The following FBXO38 variants were observed in gnomAD, a reference collection of about 807,000 sequenced individuals.
The protein encoded by FBXO38 is F-box protein 38.
A neutral mutation model predicts 131.9 loss-of-function variants in FBXO38; 53 were observed. The observed-to-expected ratio is 0.40, with a 90% CI of 0.32 to 0.51. The LOEUF is 0.51. Among genes scored for constraint, FBXO38 ranks in the 20% least tolerant of loss-of-function variants. The pLI, the probability that FBXO38 is intolerant of heterozygous loss-of-function variation, is 0.53. For missense variants in FBXO38, 1,076 were observed against 1,475.6 expected, an observed-to-expected ratio of 0.73 and a Z score of 4.44; for synonymous variants, 452 against 505.6, an observed-to-expected ratio of 0.89 and a Z score of 1.42.
chr5:148,439,863 C>T lies in FBXO38; in HGVS notation c.3170+71C>T, dbSNP rs545876282. The T allele has an allele frequency of 1.2e-3, 1,751 of 1,458,306 alleles. 3 individuals are homozygous for T. The highest frequency in any genetic ancestry group is 1.5e-3 in the Non-Finnish European group (1,618 of 1,064,862). 90.3% of individuals were successfully genotyped at this position (1,458,306 alleles called of 1,614,324 possible). A position where few individuals can be genotyped will look rare whatever the true frequency, so the allele number is the denominator to read the frequency against. On this transcript the variant is annotated intron_variant, in intron 19 of 21. Coordinates refer to ENST00000340253, the MANE Select transcript of FBXO38 (RefSeq NM_205836.3). ...TAGCAGGGACTCCCAGAAGCAAATC[C>T]CAATTTTTCTTTATTTTAAATGATT...
chr5:148,410,500 A>G, intron 8 of FBXO38, 135 bp from the exon 9 acceptor site: 20 of 1,096,970 alleles, frequency 1.8e-5, no homozygotes, highest in Non-Finnish European at 2.7e-5. Flanking sequence ...GTCCATTAAA[A>G]CCTCTTTTTC....
At position 148,399,259 on chromosome 5, in the gene FBXO38, G is replaced by A. The variant is rs544239825; in HGVS notation, c.262+127G>A. 6.0e-5 allele frequency: 63 copies of A among 1,046,470 alleles called. No homozygotes were observed. The African/African-American group carries it at 8.2e-4, about 14-fold the overall frequency. 64.8% of individuals were successfully genotyped at this position (1,046,470 alleles called of 1,614,324 possible). ...TCACCTTGTAGGCTGGCAAGATTTTGTCTAAATTATTTATGTTGGGTTTTA... is the reference window on the plus strand; with the variant it reads ...TCACCTTGTAGGCTGGCAAGATTTTATCTAAATTATTTATGTTGGGTTTTA... On this transcript the variant is annotated intron_variant, in intron 3 of 21. Transcript: ENST00000340253.
chr5:148,416,192 T>C (rs1457113856), intron 11 of FBXO38, 122 bp downstream of exon 11: 1 of 910,106 alleles, frequency 1.1e-6, no homozygotes, highest in Non-Finnish European at 1.6e-6. Context: ...TCGGACTTTT[T>C]ACTGCCAGCC....
At chr5:148,438,865 A>G (rs1754506232) in intron 18 of FBXO38, among the ~76,000 whole-genome samples, 1 of 152,138 alleles carries the variant, frequency 6.6e-6, no homozygotes, top group Non-Finnish European at 1.5e-5. Context: ...AAACTCTAAA[A>G]CATGTGCTAG....
chr5:148,392,443 A>C (rs556483479), intron 1 of FBXO38, among the ~76,000 whole-genome samples: 1 of 152,208 alleles, frequency 6.6e-6, no homozygotes, highest in African/African-American at 2.4e-5. Flanking sequence ...GATATGAAGG[A>C]GTTCATTTTG....
At chr5:148,400,034 G>A (rs1752053304) in intron 3 of FBXO38, among the ~76,000 whole-genome samples, 1 of 151,988 alleles carries the variant, frequency 6.6e-6, no homozygotes. Flanking sequence ...AATTGTGCAG[G>A]TGGATGCTGC....
chr5:148,399,362 T>TA (rs1460827170), intron 3 of FBXO38: 1 of 507,312 alleles, frequency 2.0e-6, no homozygotes, highest in East Asian at 3.4e-5. Context: ...TAAGTAACTA[T>TA]ATCAGCCTGT....
chr5:148,432,272 A>C (rs1004613784), intron 15 of FBXO38, among the ~76,000 whole-genome samples: 1 of 152,244 alleles, frequency 6.6e-6, no homozygotes, highest in Non-Finnish European at 1.5e-5. Flanking sequence ...TAGAATATAT[A>C]TGTGCTTAAG....
chr5:148,418,395 T>A (rs1753190949), intron 12 of FBXO38, among the ~76,000 whole-genome samples: 1 of 152,214 alleles, frequency 6.6e-6, no homozygotes, highest in Non-Finnish European at 1.5e-5. Flanking sequence ...TAAATCCAAA[T>A]CTTTGTTTCC....
At chr5:148,388,536 T>C (rs1250225517) in intron 1 of FBXO38, among the ~76,000 whole-genome samples, 1 of 152,258 alleles carries the variant, frequency 6.6e-6, no homozygotes, top group Non-Finnish European at 1.5e-5. Context: ...GGATAACTTG[T>C]TGCAGCTTCT....
intron 3 of FBXO38, chr5:148,399,417 G>A (rs1441738586): frequency 2.8e-6 from 1 of 361,516 alleles, no homozygotes; most frequent in Admixed American, 4.4e-5. Context: ...GGTTAATTGA[G>A]TATATGTGTA....
Position 148,393,141 on chromosome 5 carries a change from A to G in FBXO38, c.-63-1573A>G, listed in dbSNP as rs568349501. 7.4e-5 allele frequency among the ~76,000 whole-genome samples: 11 copies of G among 149,028 alleles called. No homozygotes were observed. The East Asian group carries it at 2.2e-3, about 30-fold the overall frequency. The stretch of plus-strand genomic sequence containing the variant: ...CCCATATACCAGTCCACACACATTG[A>G]TTTCTCTGGTTTCTCAGGCCGTACT... On this transcript the variant is annotated intron_variant, in intron 1 of 21. Coordinates refer to ENST00000340253, the MANE Select transcript of FBXO38 (RefSeq NM_205836.3).
chr5:148,430,024 C>CT (rs1453127006), intron 15 of FBXO38: 3 of 151,216 alleles, frequency 2.0e-5, no homozygotes, highest in African/African-American at 7.3e-5. Flanking sequence ...ATAAAAATGT[C>CT]TGTTTACTTT....
At position 148,433,578 on chromosome 5, in the gene FBXO38, A is replaced by G. The variant is rs541710820; in HGVS notation, c.2754+54A>G. The G allele has an allele frequency of 1.4e-4, 218 of 1,548,554 alleles. No homozygotes were observed. In the African/African-American group the frequency reaches 2.9e-3, roughly 20 times the overall value. Reference sequence around the variant, plus strand: ...TCACAGTCTAGCCCAGTTCCTAAATAATGCACATAAACTAAAGTTTGTATC... The same window carrying G: ...TCACAGTCTAGCCCAGTTCCTAAATGATGCACATAAACTAAAGTTTGTATC... On this transcript the variant is annotated intron_variant, in intron 16 of 21. Transcript: ENST00000340253.
chr5:148,427,762 G>A lies in FBXO38; in HGVS notation c.2468G>A (p.Gly823Glu). ...TTTTCCTTTAGGACTCTGCCACAAGGGGGGTCTTCAGGCCCAGCACATGAT... is the reference window on the plus strand; with the variant it reads ...TTTTCCTTTAGGACTCTGCCACAAGAGGGGTCTTCAGGCCCAGCACATGAT... The part of the protein sequence containing the change: ...SAFSFRTLPQ[G>E]GSSGPAHDER... Residue 823 changes from glycine (G) to glutamate (E), a missense_variant, in exon 15 of 22, where the codon GGG becomes GAG. Coordinates refer to ENST00000340253, the MANE Select transcript of FBXO38 (RefSeq NM_205836.3). 3 of 1,612,568 alleles carry A rather than the reference G, an allele frequency of 1.9e-6. No individual in the cohort carries two copies. The highest frequency in any genetic ancestry group is 2.5e-6 in the Non-Finnish European group (3 of 1,179,128).
rs756850214 is a variant in FBXO38, at chr5:148,409,214, G to A, written c.959G>A (p.Arg320His). 6.9e-6 allele frequency: 11 copies of A among 1,583,576 alleles called. No homozygotes were observed. The highest frequency in any genetic ancestry group is 4.4e-5 in the South Asian group (4 of 90,420). Residue 320 changes from arginine to histidine, a missense_variant, in exon 8 of 22, where the codon CGT (arginine) becomes CAT (histidine). Physicochemically the swap from Arg to His is conservative, Grantham distance 29. Around this residue, in one of 8 missense-constraint regions of FBXO38, gnomAD observed 146 missense variants for 274.3 expected, o/e 0.53. Coordinates refer to ENST00000340253, the MANE Select transcript of FBXO38 (RefSeq NM_205836.3). ...DLGYLIITAA[R>H]RLHEVRIQPS... ...GGTTACCTCATCATTACTGCTGCCC[G>A]TAGGTATGTTTCCTCTTTGTATTGT... is the stretch of plus-strand genomic sequence containing the variant.
At chr5:148,392,354 A>C (rs1298217190) in intron 1 of FBXO38, among the ~76,000 whole-genome samples, 1 of 152,198 alleles carries the variant, frequency 6.6e-6, no homozygotes, top group Non-Finnish European at 1.5e-5. Context: ...TCAGGAATTC[A>C]GTAAAACACA....
chr5:148,436,172 C>T (rs1357378215), intron 17 of FBXO38, among the ~76,000 whole-genome samples: 2 of 152,134 alleles, frequency 1.3e-5, no homozygotes, highest in Non-Finnish European at 2.9e-5. Context: ...TCATGGTTGC[C>T]ACAGACCTTG....
chr5:148,399,721 T>A (rs1421958841), intron 3 of FBXO38, among the ~76,000 whole-genome samples: 2 of 152,092 alleles, frequency 1.3e-5, no homozygotes, highest in Non-Finnish European at 2.9e-5. Flanking sequence ...GTTAATGGCT[T>A]TAGCTAAGCA....
Sources: gnomAD v4.1 joint callset for allele counts (sites outside exome capture counted in the v4.1 genomes callset) on GRCh38, gnomAD v4.1.1 for gene constraint, gnomAD v4.1.1 regional missense constraint, MANE v1.5 for transcripts, NCBI Gene and HGNC (gene_info 2026-07-23, HGNC 2026-07-21) for gene names.